The following ADNP variants were observed in gnomAD, a reference collection of about 807,000 sequenced individuals.
The protein encoded by ADNP is activity dependent neuroprotector homeobox.
A neutral mutation model predicts 84.9 loss-of-function variants in ADNP; 4 were observed. The observed-to-expected ratio is 0.05, with a 90% CI of 0.02 to 0.11. The LOEUF is 0.11. Among genes scored for constraint, ADNP ranks in the 10% least tolerant of loss-of-function variants. The pLI is 1.00. For missense variants in ADNP, 1,132 were observed against 1,326.0 expected, an observed-to-expected ratio of 0.85 and a Z score of 2.27; for synonymous variants, 554 against 468.1, an observed-to-expected ratio of 1.18 and a Z score of -2.37.
At chr20:50,904,920 ATACAG>A (rs745374517) in intron 2 of ADNP, 71 bp from the exon 3 acceptor site, 3 of 152,212 alleles carry the variant, frequency 2.0e-5, no homozygotes, top group African/African-American at 7.2e-5. Context: ...CCCAAACTAA[ATACAG>A]TAATGATATG....
chr20:50,924,684 A>T (rs1984171706), intron 2 of ADNP, among the ~76,000 whole-genome samples: 2 of 152,236 alleles, frequency 1.3e-5, no homozygotes, highest in Admixed American at 6.5e-5. Context: ...TTTACACTTA[A>T]GCAGCACATC....
chr20:50,921,713 A>G (rs903028677), intron 2 of ADNP, among the ~76,000 whole-genome samples: 1 of 152,310 alleles, frequency 6.6e-6, no homozygotes, highest in Middle Eastern at 3.4e-3. Flanking sequence ...AAACAGAGGG[A>G]AGATGATGCC....
chr20:50,896,876 T>C (rs914534756), intron 5 of ADNP, among the ~76,000 whole-genome samples: 14 of 152,184 alleles, frequency 9.2e-5, no homozygotes, highest in African/African-American at 3.1e-4. Flanking sequence ...AAGCAGATAA[T>C]GAACCATGAA....
At chr20:50,908,625 T>G (rs1451750038) in intron 2 of ADNP, among the ~76,000 whole-genome samples, 2 of 151,690 alleles carry the variant, frequency 1.3e-5, no homozygotes, top group Non-Finnish European at 2.9e-5. Flanking sequence ...ATACAAAAAA[T>G]TAGCTAGGCG....
chr20:50,900,067 G>A (rs1238822518), intron 5 of ADNP, among the ~76,000 whole-genome samples: 1 of 152,094 alleles, frequency 6.6e-6, no homozygotes, highest in Non-Finnish European at 1.5e-5. Flanking sequence ...AAAGTCTACA[G>A]TGATGTACAA....
rs542930193 is a variant in ADNP at position 50,914,659 on chromosome 20, C to T, written c.-89-9810G>A. ...TCGGCTAATTCTGAGTAAGTGATTCCGTGGCTGTTGTTAATCTTCAGCAAC... is the reference window on the plus strand; with the variant it reads ...TCGGCTAATTCTGAGTAAGTGATTCTGTGGCTGTTGTTAATCTTCAGCAAC... On this transcript the variant is annotated intron_variant, in intron 2 of 5. Coordinates refer to ENST00000621696, the MANE Select transcript of ADNP (RefSeq NM_001282531.3). 3.3e-5 allele frequency among the ~76,000 whole-genome samples: 5 copies of T among 152,006 alleles called. No homozygotes were observed. The South Asian group carries it at 6.2e-4, about 19-fold the overall frequency.
At chr20:50,924,255 T>C (rs1157622742) in intron 2 of ADNP, among the ~76,000 whole-genome samples, 1 of 152,226 alleles carries the variant, frequency 6.6e-6, no homozygotes, top group East Asian at 1.9e-4. Context: ...CTTATACAGT[T>C]AACTTCCCAG....
At chr20:50,913,385 T>C (rs1983240454) in intron 2 of ADNP, among the ~76,000 whole-genome samples, 2 of 150,238 alleles carry the variant, frequency 1.3e-5, no homozygotes, top group South Asian at 2.2e-4. Flanking sequence ...CCCAAGTTAC[T>C]ATGTAAGAAT....
chr20:50,927,949 A>C (rs1984396722), intron 2 of ADNP, among the ~76,000 whole-genome samples: 1 of 152,248 alleles, frequency 6.6e-6, no homozygotes, highest in South Asian at 2.1e-4. Flanking sequence ...ATAAAACACC[A>C]AATAAAGATA....
chr20:50,903,835 G>A (rs182991361), intron 4 of ADNP, 54 bp downstream of exon 4: 7 of 1,374,438 alleles, frequency 5.1e-6, no homozygotes, highest in East Asian at 4.6e-5. Context: ...CTGACACAAA[G>A]TAATGGATCA....
At chr20:50,909,737 C>T (rs898724742) in intron 2 of ADNP, 5 of 152,380 alleles carry the variant, frequency 3.3e-5, no homozygotes, top group South Asian at 4.1e-4. Flanking sequence ...GACAGAAAGT[C>T]ACTTTTCCAG....
intron 5 of ADNP, 66 bp from the exon 6 acceptor site, chr20:50,894,578 C>G (rs1237411703): frequency 1.4e-6 from 2 of 1,475,680 alleles, no homozygotes; most frequent in Non-Finnish European, 1.8e-6. Flanking sequence ...GATTCCAGAT[C>G]CCCCCCGGAT....
chr20:50,925,006 C>A (rs189266632), intron 2 of ADNP, among the ~76,000 whole-genome samples: 13 of 152,248 alleles, frequency 8.5e-5, no homozygotes, highest in African/African-American at 3.1e-4. Context: ...TGCTGAAATT[C>A]TTGAGAGGTT....
Position 50,888,984 on chromosome 20 carries a change from T to C in ADNP, c.*2421A>G, listed in dbSNP as rs189354583. The C allele has an allele frequency of 2.0e-5, 3 of 152,278 alleles. No individual in the cohort carries two copies. The East Asian group carries it at 5.8e-4, about 29-fold the overall frequency. The allele number at this position is 152,278 out of a possible 1,614,324, so 9.4% of individuals were successfully genotyped here. On this transcript the variant is annotated 3_prime_UTR_variant, in exon 6 of 6. Coordinates refer to ENST00000621696, the MANE Select transcript of ADNP (RefSeq NM_001282531.3). ...CATTTACAGGCATTCTCTAATTAGG[T>C]GGCAGCACGTTGCCATAGCCAACGA...
chr20:50,911,378 TGA>T (rs1214370387), intron 2 of ADNP, among the ~76,000 whole-genome samples: 1 of 152,170 alleles, frequency 6.6e-6, no homozygotes, highest in Non-Finnish European at 1.5e-5. Context: ...CCGCATACGG[TGA>T]GAGATAGGGG....
rs11470054 is a variant in ADNP at position 50,901,321 on chromosome 20, T to TAAAA, written c.201+692_201+695dup. On this transcript the variant is annotated intron_variant, in intron 5 of 5. Coordinates refer to ENST00000621696, the MANE Select transcript of ADNP (RefSeq NM_001282531.3). ...GGTTAGTAACTTTGCCTGGGGTATT[T>TAAAA]AAAAAAAAAAAAAAAAAAAAAAAAA... Among the ~76,000 whole-genome samples the TAAAA allele has an allele frequency of 9.2e-3, 857 of 92,730 alleles. 23 individuals carry two copies. Among genetic ancestry groups the TAAAA allele is most frequent in the Non-Finnish European group, 0.012 (597 of 49,150 alleles). The allele number at this position is 92,730 out of a possible 152,430, so 60.8% of individuals were successfully genotyped here. A position where few individuals can be genotyped will look rare whatever the true frequency, so the allele number is the denominator to read the frequency against.
chr20:50,891,063 GT>G lies in ADNP; in HGVS notation c.*341del. 1 of 1,091,404 alleles carries G rather than the reference GT, an allele frequency of 9.2e-7. No homozygotes were observed. The highest frequency in any genetic ancestry group is 1.1e-6 in the Non-Finnish European group (1 of 898,548). 67.6% of individuals were successfully genotyped at this position (1,091,404 alleles called of 1,614,324 possible). On this transcript the variant is annotated 3_prime_UTR_variant, in exon 6 of 6. Coordinates refer to ENST00000621696, the MANE Select transcript of ADNP (RefSeq NM_001282531.3). ...TGGCCCTACACTACCATGTGAATTA[GT>G]TTAACACTTCTCAAAGACATCTGAC...
chr20:50,926,933 A>G (rs962662523), intron 2 of ADNP, among the ~76,000 whole-genome samples: 24 of 111,272 alleles, frequency 2.2e-4, no homozygotes, highest in African/African-American at 1.2e-3. Context: ...TTTAATCAAT[A>G]AACTTGAGTA....
rs1028930479 is a variant in ADNP at position 50,889,174 on chromosome 20, A to G, written c.*2231T>C. ...GAATGCCAAAAGGCACACTCTCACC[A>G]CCTTAATGAGGAAACACACTTATCT... On this transcript the variant is annotated 3_prime_UTR_variant, in exon 6 of 6. Coordinates refer to ENST00000621696, the MANE Select transcript of ADNP (RefSeq NM_001282531.3). 2.6e-5 allele frequency: 4 copies of G among 152,096 alleles called. No individual in the cohort carries two copies. The highest frequency in any genetic ancestry group is 9.7e-5 in the African/African-American group (4 of 41,438). 9.4% of individuals were successfully genotyped at this position (152,096 alleles called of 1,614,324 possible).
Sources: allele counts gnomAD v4.1 joint callset (sites outside exome capture counted in the v4.1 genomes callset), GRCh38; gene constraint gnomAD v4.1.1; transcripts MANE v1.5; gene names NCBI Gene and HGNC (gene_info 2026-07-23, HGNC 2026-07-21).